The following MDGA2 variants were observed in gnomAD, a reference collection of about 807,000 sequenced individuals.
The protein encoded by MDGA2 is MAM domain-containing glycosylphosphatidylinositol anchor protein 2.
MDGA2 carries 40 observed loss-of-function variants against 117.8 expected under a neutral mutation model. The ratio of observed to expected loss-of-function variants is 0.34; its 90% confidence interval spans 0.26 to 0.44. The LOEUF (loss-of-function observed/expected upper bound fraction) is 0.44. Ranked by LOEUF, MDGA2 falls within the 20% of genes least tolerant of loss-of-function variation. The pLI is 1.00. For missense variants in MDGA2, 1,123 were observed against 1,250.6 expected, an observed-to-expected ratio of 0.90 and a Z score of 1.54; for synonymous variants, 452 against 439.0, an observed-to-expected ratio of 1.03 and a Z score of -0.37.
chr14:47,306,441 T>G (rs1224112478), intron 1 of MDGA2, among the ~76,000 whole-genome samples: 2 of 152,176 alleles, frequency 1.3e-5, no homozygotes, highest in Non-Finnish European at 2.9e-5. Context: ...AAGAAACTTT[T>G]TTCAGTAATG....
At chr14:47,251,240 G>A (rs1389855350) in intron 2 of MDGA2, among the ~76,000 whole-genome samples, 1 of 152,058 alleles carries the variant, frequency 6.6e-6, no homozygotes, top group African/African-American at 2.4e-5. Context: ...CATCTACCTG[G>A]AAAATTTCCC....
intron 3 of MDGA2, among the ~76,000 whole-genome samples, chr14:47,184,430 T>C (rs1884831514): frequency 6.6e-6 from 1 of 151,914 alleles, no homozygotes; most frequent in Non-Finnish European, 1.5e-5. Context: ...AATGACAGAT[T>C]TTATAAATTG....
At chr14:47,514,313 A>T (rs1894707276) in intron 1 of MDGA2, among the ~76,000 whole-genome samples, 1 of 152,094 alleles carries the variant, frequency 6.6e-6, no homozygotes, top group Admixed American at 6.6e-5. Context: ...TGTGACACTG[A>T]CGAGCCATCT....
intron 5 of MDGA2, among the ~76,000 whole-genome samples, chr14:47,130,486 A>G (rs1882147635): frequency 6.6e-6 from 1 of 152,218 alleles, no homozygotes; most frequent in Non-Finnish European, 1.5e-5. Context: ...AAATAAATGT[A>G]TAAAACAATG....
At chr14:47,243,328 C>G (rs1320420686) in intron 2 of MDGA2, among the ~76,000 whole-genome samples, 2 of 151,664 alleles carry the variant, frequency 1.3e-5, no homozygotes, top group African/African-American at 2.4e-5. Context: ...CTTGGCTCTA[C>G]CAATCAGCAG....
chr14:47,195,034 T>C (rs998983568), intron 3 of MDGA2, among the ~76,000 whole-genome samples: 1 of 152,068 alleles, frequency 6.6e-6, no homozygotes, highest in African/African-American at 2.4e-5. Flanking sequence ...TCACTTTTTT[T>C]CTCTGGTGCA....
At chr14:47,631,937 T>A (rs1897254225) in intron 1 of MDGA2, among the ~76,000 whole-genome samples, 1 of 151,976 alleles carries the variant, frequency 6.6e-6, no homozygotes, top group African/African-American at 2.4e-5. Context: ...TAAGTTTTTT[T>A]TTTTTTTAGC....
chr14:47,637,719 C>T (rs546635261), intron 1 of MDGA2, among the ~76,000 whole-genome samples: 3 of 152,138 alleles, frequency 2.0e-5, no homozygotes, highest in Admixed American at 6.5e-5. Flanking sequence ...AAAATGTTAT[C>T]CAAATTGTAA....
At chr14:47,343,194 A>G in intron 1 of MDGA2, 1 of 1,133,900 alleles carries the variant, frequency 8.8e-7, no homozygotes, top group Non-Finnish European at 1.1e-6. Context: ...GGCTCAAGCT[A>G]TTAAAAGGAA....
At chr14:47,041,404 T>C (rs1889063255) in intron 7 of MDGA2, among the ~76,000 whole-genome samples, 2 of 152,116 alleles carry the variant, frequency 1.3e-5, no homozygotes, top group Non-Finnish European at 2.9e-5. Flanking sequence ...ATATTTGAAA[T>C]GTCTATACCA....
chr14:47,537,550 T>A, intron 1 of MDGA2, among the ~76,000 whole-genome samples: 1 of 120,090 alleles, frequency 8.3e-6, no homozygotes, highest in Non-Finnish European at 1.6e-5. Flanking sequence ...GGGCTGCTAT[T>A]ATCCACTGTT....
chr14:47,511,132 C>G (rs565263308), intron 1 of MDGA2, among the ~76,000 whole-genome samples: 1 of 152,134 alleles, frequency 6.6e-6, no homozygotes, highest in Admixed American at 6.5e-5. Flanking sequence ...CATTAGTGTT[C>G]CTTCAGATCT....
chr14:46,965,757 G>T (rs1055411561), intron 8 of MDGA2, among the ~76,000 whole-genome samples: 1 of 152,074 alleles, frequency 6.6e-6, no homozygotes, highest in Non-Finnish European at 1.5e-5. Context: ...TATGATGAAA[G>T]AAATCTTCAG....
intron 7 of MDGA2, among the ~76,000 whole-genome samples, chr14:47,060,487 G>A: frequency 6.6e-6 from 1 of 151,990 alleles, no homozygotes; most frequent in East Asian, 1.9e-4. Context: ...TTGGTAACAA[G>A]CTGGCAAAAC....
At chr14:47,643,768 G>A (rs138438458) in intron 1 of MDGA2, among the ~76,000 whole-genome samples, 3 of 152,096 alleles carry the variant, frequency 2.0e-5, no homozygotes, top group Admixed American at 6.5e-5. Flanking sequence ...TACCTGCAAA[G>A]ATAAATTTAG....
At chr14:47,141,477 C>T (rs1882715729) in intron 4 of MDGA2, among the ~76,000 whole-genome samples, 2 of 152,070 alleles carry the variant, frequency 1.3e-5, no homozygotes, top group African/African-American at 2.4e-5. Flanking sequence ...ATAATGAATG[C>T]AGCTATAAAA....
At chr14:47,635,828 G>A (rs567869587) in intron 1 of MDGA2, among the ~76,000 whole-genome samples, 2 of 137,944 alleles carry the variant, frequency 1.4e-5, no homozygotes, top group South Asian at 5.4e-4. Flanking sequence ...ATCTTCCAGT[G>A]AGTGTAGGTT....
At chr14:47,008,312 T>A (rs1887780835) in intron 8 of MDGA2, among the ~76,000 whole-genome samples, 1 of 151,904 alleles carries the variant, frequency 6.6e-6, no homozygotes, top group Non-Finnish European at 1.5e-5. Context: ...ATAAAACGAT[T>A]CCTAACAGGT....
At chr14:47,353,524 C>T (rs1005380762) in intron 1 of MDGA2, among the ~76,000 whole-genome samples, 8 of 152,028 alleles carry the variant, frequency 5.3e-5, no homozygotes, top group Non-Finnish European at 8.8e-5. Flanking sequence ...AATCACATTT[C>T]GAGAAAAGAT....
Sources: allele counts gnomAD v4.1 joint callset (sites outside exome capture counted in the v4.1 genomes callset), GRCh38; gene constraint gnomAD v4.1.1; transcripts MANE v1.5; gene names NCBI Gene and HGNC (gene_info 2026-07-23, HGNC 2026-07-21).